TDRD5: variants seen among roughly 807,000 people sequenced by gnomAD.
The protein encoded by TDRD5 is tudor domain-containing protein 5.
TDRD5 carries 41 observed loss-of-function variants against 120.6 expected under a neutral mutation model. The observed-to-expected ratio is 0.34, with a 90% CI of 0.26 to 0.44. TDRD5 has a LOEUF of 0.44. TDRD5 is among the 20% of genes least tolerant of loss of function. The pLI, the probability that TDRD5 is intolerant of heterozygous loss-of-function variation, is 1.00. For synonymous variants in TDRD5, 430 were observed against 433.7 expected, an observed-to-expected ratio of 0.99 and a Z score of 0.11; for missense variants, 1,006 against 1,221.2, an observed-to-expected ratio of 0.82 and a Z score of 2.63.
In TDRD5 at chr1:179,593,511, G is replaced by A. The variant is rs1412819884; in HGVS notation, c.284G>A (p.Arg95Lys). 6.2e-7 allele frequency: 1 copy of A among 1,614,032 alleles called. No individual in the cohort carries two copies. Among genetic ancestry groups the A allele is most frequent in the African/African-American group, 1.3e-5 (1 of 74,930 alleles). ...ATAGCAAGCTTAGTTGCAAAACAGAGGAGCAGCCATAAGCTTCGAAACTCA... is the reference window on the plus strand; with the variant it reads ...ATAGCAAGCTTAGTTGCAAAACAGAAGAGCAGCCATAAGCTTCGAAACTCA... The part of the protein sequence containing the change: ...KGIASLVAKQ[R>K]SSHKLRNSMH... The change falls in exon 3 of 18, where the codon AGG becomes AAG. Residue 95 changes from arginine to lysine, a missense_variant. This residue lies in a region of TDRD5 where 445 missense variants were observed against 515.5 expected (regional missense o/e 0.86). Transcript: ENST00000444136.
At chr1:179,612,767 T>C (rs549279778) in intron 4 of TDRD5, among the ~76,000 whole-genome samples, 2 of 152,090 alleles carry the variant, frequency 1.3e-5, no homozygotes, top group Non-Finnish European at 1.5e-5. Flanking sequence ...AAACCCCATG[T>C]CTACTAAAAA....
chr1:179,622,200 T>A (rs1257471818), intron 6 of TDRD5, among the ~76,000 whole-genome samples: 1 of 152,166 alleles, frequency 6.6e-6, no homozygotes, highest in South Asian at 2.1e-4. Flanking sequence ...GGGGCAGACA[T>A]AGAGCAGCCT....
intron 17 of TDRD5, among the ~76,000 whole-genome samples, chr1:179,688,297 C>T (rs1680863284): frequency 6.6e-6 from 1 of 152,122 alleles, no homozygotes; most frequent in Non-Finnish European, 1.5e-5. Flanking sequence ...TTCTCCTTCA[C>T]TTATGAAGCT....
At chr1:179,592,289 G>A (rs188560239) in intron 1 of TDRD5, 164 bp downstream of exon 1, 10 of 293,298 alleles carry the variant, frequency 3.4e-5, no homozygotes, top group South Asian at 7.4e-5. Context: ...CCTAGTCCTG[G>A]TTCCCGAGGA....
At chr1:179,611,405 G>T (rs1676268068) in intron 4 of TDRD5, among the ~76,000 whole-genome samples, 1 of 152,026 alleles carries the variant, frequency 6.6e-6, no homozygotes, top group African/African-American at 2.4e-5. Context: ...GGTTCAGAAA[G>T]AAAGAAATTG....
In TDRD5 at chr1:179,662,014, G is replaced by T. The variant is rs1679334431; in HGVS notation, c.2323-90G>T. On this transcript the variant is annotated intron_variant, in intron 14 of 17. Transcript: ENST00000444136. ...GAATTCAAACTGTCATCTTTACCTG[G>T]AGTCAGGAAAAAACTATAAAACCTA... 6 of 1,205,692 alleles carry T rather than the reference G, an allele frequency of 5.0e-6. No homozygotes were observed. The African/African-American group carries it at 6.3e-5, about 13-fold the overall frequency. The allele number at this position is 1,205,692 out of a possible 1,614,324, so 74.7% of individuals were successfully genotyped here.
Position 179,592,771 on chromosome 1 carries a change from C to G in TDRD5, c.156C>G (p.Ser52=). 1 of 1,614,150 alleles carries G rather than the reference C, an allele frequency of 6.2e-7. No individual in the cohort carries two copies. The highest frequency in any genetic ancestry group is 1.1e-5 in the South Asian group (1 of 91,076). Residue 52 remains serine, a synonymous_variant, in exon 2 of 18, where the codon TCC becomes TCG. Transcript: ENST00000444136. The part of the protein sequence containing the change: ...HLPLRILGYR[S]TMELVLDMPD... ...CACTCCGAATCCTTGGGTATCGGTCCACTATGGAGCTGGTATTGGACATGC... is the reference window on the plus strand; with the variant it reads ...CACTCCGAATCCTTGGGTATCGGTCGACTATGGAGCTGGTATTGGACATGC...
chr1:179,592,571 C>T lies in TDRD5; in HGVS notation c.-14-31C>T, dbSNP rs768640488. The T allele has an allele frequency of 4.4e-6, 7 of 1,573,104 alleles. No individual in the cohort carries two copies. In the African/African-American group the frequency reaches 8.1e-5, roughly 18 times the overall value. On this transcript the variant is annotated intron_variant, in intron 1 of 17. Coordinates refer to ENST00000444136, the MANE Select transcript of TDRD5 (RefSeq NM_001199085.3). The stretch of plus-strand genomic sequence containing the variant: ...TTAAATCTTTTTTCGTGGGTTTGCC[C>T]CCTTTTCCTCAGCTGCGTTTCTGTC...
At chr1:179,644,910 C>G (rs1678256669) in intron 11 of TDRD5, among the ~76,000 whole-genome samples, 3 of 151,768 alleles carry the variant, frequency 2.0e-5, no homozygotes, top group Admixed American at 2.0e-4. Flanking sequence ...TCCCTAACTT[C>G]TTGATGTGCA....
At chr1:179,654,150 G>A in intron 13 of TDRD5, 51 bp from the exon 14 acceptor site, 1 of 1,415,934 alleles carries the variant, frequency 7.1e-7, no homozygotes, top group Non-Finnish European at 9.4e-7. Flanking sequence ...TGTAGATTTT[G>A]GAAACAGCAT....
intron 3 of TDRD5, among the ~76,000 whole-genome samples, chr1:179,594,764 G>A (rs1363791911): frequency 2.0e-5 from 3 of 152,252 alleles, no homozygotes. Flanking sequence ...GGTAGGTGAT[G>A]TAGTTTGAGG....
At chr1:179,593,390 C>T in intron 2 of TDRD5, 70 bp from the exon 3 acceptor site, 1 of 1,493,500 alleles carries the variant, frequency 6.7e-7, no homozygotes, top group Non-Finnish European at 9.0e-7. Context: ...ACTGTATAAA[C>T]ACAGATACTA....
intron 4 of TDRD5, among the ~76,000 whole-genome samples, chr1:179,614,964 A>G (rs985438782): frequency 2.6e-5 from 4 of 152,174 alleles, no homozygotes; most frequent in Admixed American, 6.6e-5. Context: ...ATGATACACA[A>G]TAGATCTTTT....
At chr1:179,690,459 T>C (rs953677216) in intron 17 of TDRD5, among the ~76,000 whole-genome samples, 12 of 152,226 alleles carry the variant, frequency 7.9e-5, no homozygotes, top group Admixed American at 5.9e-4. Context: ...ATATTTTCCC[T>C]CTCTCACTTA....
chr1:179,617,185 GA>G, intron 4 of TDRD5, among the ~76,000 whole-genome samples: 1 of 152,226 alleles, frequency 6.6e-6, no homozygotes, highest in Non-Finnish European at 1.5e-5. Context: ...GAAAATAGGG[GA>G]AAACCCTCAT....
chr1:179,609,682 G>GCATT (rs1312790296), intron 4 of TDRD5, among the ~76,000 whole-genome samples: 1 of 152,136 alleles, frequency 6.6e-6, no homozygotes, highest in Non-Finnish European at 1.5e-5. Context: ...CACCACTGAA[G>GCATT]CATTACCTTT....
intron 14 of TDRD5, among the ~76,000 whole-genome samples, chr1:179,656,896 T>C (rs905561546): frequency 3.3e-5 from 5 of 151,986 alleles, no homozygotes; most frequent in Non-Finnish European, 7.4e-5. Flanking sequence ...TACTAAACAA[T>C]ACAAAAACTA....
At chr1:179,654,582 T>C (rs1678890267) in intron 14 of TDRD5, among the ~76,000 whole-genome samples, 1 of 152,008 alleles carries the variant, frequency 6.6e-6, no homozygotes, top group Non-Finnish European at 1.5e-5. Context: ...GTGGTCAACA[T>C]GATGATACCT....
intron 17 of TDRD5, among the ~76,000 whole-genome samples, chr1:179,676,172 C>G (rs1158138645): frequency 6.6e-6 from 1 of 152,140 alleles, no homozygotes; most frequent in Non-Finnish European, 1.5e-5. Context: ...AATAGCTACT[C>G]CTGCTAGCTT....
Sources: allele counts gnomAD v4.1 joint callset (sites outside exome capture counted in the v4.1 genomes callset), GRCh38; gene constraint gnomAD v4.1.1; regional missense constraint gnomAD v4.1.1; transcripts MANE v1.5; gene names NCBI Gene and HGNC (gene_info 2026-07-23, HGNC 2026-07-21).